TANK: variants seen among roughly 807,000 people sequenced by gnomAD.
TANK encodes TRAF family member-associated NF-kappa-B activator.
A neutral mutation model predicts 43.6 loss-of-function variants in TANK; 15 were observed. That is an observed-to-expected ratio of 0.34 (90% CI 0.23 to 0.53). TANK has a LOEUF of 0.53. TANK is among the 20% of genes least tolerant of loss of function. The pLI is 0.94. For synonymous variants in TANK, 162 were observed against 178.2 expected, an observed-to-expected ratio of 0.91 and a Z score of 0.73; for missense variants, 417 against 498.6, an observed-to-expected ratio of 0.84 and a Z score of 1.56.
chr2:161,206,109 TGAG>T (rs1328799806), intron 4 of TANK, among the ~76,000 whole-genome samples: 1 of 151,934 alleles, frequency 6.6e-6, no homozygotes, highest in Non-Finnish European at 1.5e-5. Context: ...AAAGGAATAA[TGAG>T]GGCTTCAGCA....
chr2:161,231,315 G>A lies in TANK; in HGVS notation c.865G>A (p.Glu289Lys), dbSNP rs1297299378. The A allele has an allele frequency of 1.9e-6, 3 of 1,614,118 alleles. No individual in the cohort carries two copies. Among genetic ancestry groups the A allele is most frequent in the Admixed American group, 3.3e-5 (2 of 60,024 alleles). ...NFVKTEETLFEIQGIDPIASA... is the reference protein window; with the variant it reads ...NFVKTEETLFKIQGIDPIASA... Reference sequence around the variant, plus strand: ...TGTTAAAACAGAAGAAACTTTATTTGAAATTCAGGGAATTGACCCCATAGC... The same window carrying A: ...TGTTAAAACAGAAGAAACTTTATTTAAAATTCAGGGAATTGACCCCATAGC... Residue 289 changes from glutamate (E) to lysine (K), a missense_variant, in exon 7 of 8, where the codon GAA (glutamate) becomes AAA (lysine). Glu to Lys is a moderately conservative substitution (Grantham distance 56). Coordinates refer to ENST00000392749, the MANE Select transcript of TANK (RefSeq NM_001199135.3).
chr2:161,232,702 CTATTA>C, intron 7 of TANK: 1 of 1,534,124 alleles, frequency 6.5e-7, no homozygotes, highest in Non-Finnish European at 8.8e-7. Flanking sequence ...ACTTTTTTCT[CTATTA>C]TATGTCTTGC....
intron 4 of TANK, among the ~76,000 whole-genome samples, chr2:161,205,385 G>GGT (rs912863657): frequency 4.0e-5 from 6 of 151,518 alleles, no homozygotes; most frequent in Admixed American, 2.0e-4. Flanking sequence ...GTGTGTGTGT[G>GGT]GTGTGTGTGT....
intron 1 of TANK, among the ~76,000 whole-genome samples, chr2:161,166,041 G>T (rs1175869939): frequency 6.6e-6 from 1 of 152,238 alleles, no homozygotes; most frequent in Non-Finnish European, 1.5e-5. Flanking sequence ...CTTTGACAGT[G>T]AAATCTTTTA....
chr2:161,161,180 A>C, intron 1 of TANK: 1 of 1,475,220 alleles, frequency 6.8e-7, no homozygotes, highest in East Asian at 2.5e-5. Context: ...TAGAAGTAGA[A>C]AGGGGGAGGA....
intron 1 of TANK, among the ~76,000 whole-genome samples, chr2:161,152,246 G>A (rs932561509): frequency 1.3e-5 from 2 of 152,074 alleles, no homozygotes; most frequent in Non-Finnish European, 2.9e-5. Flanking sequence ...CTTTACTGAA[G>A]TTCTTTATTT....
At chr2:161,190,445 A>G (rs975620262) in intron 2 of TANK, among the ~76,000 whole-genome samples, 2 of 152,160 alleles carry the variant, frequency 1.3e-5, no homozygotes, top group African/African-American at 4.8e-5. Context: ...CAATCCTACT[A>G]CTCTTGGTTA....
At chr2:161,147,652 T>A (rs538792898) in intron 1 of TANK, among the ~76,000 whole-genome samples, 1 of 151,108 alleles carries the variant, frequency 6.6e-6, no homozygotes, top group Admixed American at 6.6e-5. Flanking sequence ...GCCTGGTCAG[T>A]TCTGATGACA....
At chr2:161,207,213 T>C (rs1224407941) in intron 4 of TANK, among the ~76,000 whole-genome samples, 1 of 152,132 alleles carries the variant, frequency 6.6e-6, no homozygotes, top group East Asian at 1.9e-4. Flanking sequence ...GTAACAGAAA[T>C]CATTTCAGAG....
upstream of TANK, among the ~76,000 whole-genome samples, chr2:161,157,237 C>T (rs1684251407): frequency 2.0e-5 from 3 of 152,170 alleles, no homozygotes; most frequent in South Asian, 6.2e-4. Flanking sequence ...TGCAATAAGT[C>T]CAGTATCCTA....
At chr2:161,234,700 AAAGT>A (rs1213232399) in intron 7 of TANK, among the ~76,000 whole-genome samples, 5 of 152,234 alleles carry the variant, frequency 3.3e-5, no homozygotes, top group African/African-American at 4.8e-5. Context: ...TAACAGAAGC[AAAGT>A]AAGAAGTCAA....
intron 1 of TANK, among the ~76,000 whole-genome samples, chr2:161,164,317 G>A (rs1684575849): frequency 6.6e-6 from 1 of 152,062 alleles, no homozygotes; most frequent in Non-Finnish European, 1.5e-5. Context: ...ATTGCAGTTC[G>A]TTTGTGTTCA....
intron 2 of TANK, among the ~76,000 whole-genome samples, chr2:161,188,619 C>T (rs1685772957): frequency 6.6e-6 from 1 of 152,116 alleles, no homozygotes; most frequent in African/African-American, 2.4e-5. Flanking sequence ...AATACCAATC[C>T]TCTCAGTCTC....
chr2:161,212,312 C>G, intron 4 of TANK: 1 of 896,040 alleles, frequency 1.1e-6, no homozygotes. Flanking sequence ...CCACCTGCCT[C>G]GGCCTCCCAT....
chr2:161,201,716 A>G (rs1404851618), intron 2 of TANK, among the ~76,000 whole-genome samples: 4 of 152,104 alleles, frequency 2.6e-5, no homozygotes, highest in African/African-American at 4.8e-5. Flanking sequence ...GGTATTTAGA[A>G]TTTGCTGTAG....
In TANK at chr2:161,204,729, A is replaced by G. The variant is rs778334166; in HGVS notation, c.263A>G (p.Asn88Ser). Residue 88 changes from asparagine to serine, a missense_variant, in exon 4 of 8, where the codon AAT (asparagine) becomes AGT (serine). Physicochemically the swap from Asn to Ser is conservative, Grantham distance 46. Transcript: ENST00000392749. The stretch of plus-strand genomic sequence containing the variant: ...GAAGACAGTGAAACAAGAAAGAATA[A>G]TTTGACTCTTGATCAGCCACAAGAT... ...LLEDSETRKN[N>S]LTLDQPQDKV... The G allele has an allele frequency of 8.7e-6, 14 of 1,609,062 alleles. No individual in the cohort carries two copies. In the South Asian group the frequency reaches 1.4e-4, roughly 17 times the overall value.
intron 7 of TANK, chr2:161,232,988 A>G (rs926929400): frequency 6.4e-6 from 6 of 941,210 alleles, no homozygotes; most frequent in Non-Finnish European, 9.0e-6. Flanking sequence ...AATATTTCTT[A>G]AAATGAGTTT....
intron 1 of TANK, among the ~76,000 whole-genome samples, chr2:161,138,339 A>G (rs1196846059): frequency 6.6e-6 from 1 of 152,208 alleles, no homozygotes; most frequent in African/African-American, 2.4e-5. Flanking sequence ...GGGCTTAAAC[A>G]TAAATTCATA....
intron 1 of TANK, among the ~76,000 whole-genome samples, chr2:161,140,225 C>G (rs1303992481): frequency 1.3e-5 from 2 of 152,128 alleles, no homozygotes; most frequent in Non-Finnish European, 2.9e-5. Flanking sequence ...ATCCATAATA[C>G]TGTTGGGCCT....
Sources: gnomAD v4.1 joint callset for allele counts (sites outside exome capture counted in the v4.1 genomes callset) on GRCh38, gnomAD v4.1.1 for gene constraint, MANE v1.5 for transcripts, NCBI Gene and HGNC (gene_info 2026-07-23, HGNC 2026-07-21) for gene names.